Variants in ANO4 observed in about 807,000 individuals in gnomAD.
ANO4 encodes anoctamin-4.
Under a neutral mutation model 141.9 loss-of-function variants are expected in ANO4, and 69 were observed. That is an observed-to-expected ratio of 0.49 (90% CI 0.40 to 0.59). The LOEUF (loss-of-function observed/expected upper bound fraction) is 0.59. Ranked by LOEUF, ANO4 falls within the 20% of genes least tolerant of loss-of-function variation. The probability of loss-of-function intolerance (pLI) is 0.00; values close to 1 mark genes in which losing one functional copy is unlikely to be tolerated. For missense variants in ANO4, 894 were observed against 1,162.2 expected (o/e 0.77, Z 3.36); for synonymous variants, 350 against 394.3 (o/e 0.89, Z 1.33).
intron 1 of ANO4, among the ~76,000 whole-genome samples, chr12:100,870,327 T>C (rs2038970048): frequency 6.6e-6 from 1 of 152,358 alleles, no homozygotes; most frequent in Admixed American, 6.5e-5. Context: ...TTTAAAAGTC[T>C]GCAAAATAAT....
intron 13 of ANO4, among the ~76,000 whole-genome samples, chr12:101,043,959 C>A (rs1380741297): frequency 6.6e-6 from 1 of 152,188 alleles, no homozygotes; most frequent in African/African-American, 2.4e-5. Context: ...TATTTAACTT[C>A]TTTGAGTCTC....
At chr12:101,003,479 G>A (rs2045738091) in intron 8 of ANO4, among the ~76,000 whole-genome samples, 1 of 152,204 alleles carries the variant, frequency 6.6e-6, no homozygotes, top group Non-Finnish European at 1.5e-5. Flanking sequence ...TCTCCAGGCA[G>A]GGAGAATGTC....
intron 13 of ANO4, among the ~76,000 whole-genome samples, chr12:101,044,759 G>A (rs1449932637): frequency 6.6e-6 from 1 of 152,130 alleles, no homozygotes; most frequent in African/African-American, 2.4e-5. Context: ...AAAGATTTGA[G>A]CTCTTATGTT....
chr12:101,060,518 CT>C (rs933231902), intron 14 of ANO4, among the ~76,000 whole-genome samples: 1 of 152,124 alleles, frequency 6.6e-6, no homozygotes, highest in Non-Finnish European at 1.5e-5. Flanking sequence ...GAGTCTAAGT[CT>C]TTTTGTAGGT....
intron 3 of ANO4, among the ~76,000 whole-genome samples, chr12:100,785,647 C>T (rs2033850683): frequency 6.6e-6 from 1 of 152,134 alleles, no homozygotes; most frequent in South Asian, 2.1e-4. Context: ...CATTCCTCTA[C>T]AGAAGGACAT....
At chr12:100,757,495 C>T (rs1442841520) in intron 3 of ANO4, among the ~76,000 whole-genome samples, 2 of 152,182 alleles carry the variant, frequency 1.3e-5, no homozygotes, top group Non-Finnish European at 1.5e-5. Context: ...TCTTCTTTTT[C>T]TCTTGTAACT....
At chr12:100,893,366 C>T (rs564122997) in intron 1 of ANO4, among the ~76,000 whole-genome samples, 1 of 151,862 alleles carries the variant, frequency 6.6e-6, no homozygotes, top group South Asian at 2.1e-4. Flanking sequence ...AACCAACAAA[C>T]CCAAATCTCA....
intron 1 of ANO4, among the ~76,000 whole-genome samples, chr12:100,720,867 T>C (rs2030835199): frequency 6.6e-6 from 1 of 152,170 alleles, no homozygotes; most frequent in South Asian, 2.1e-4. Flanking sequence ...TTTTAAGACA[T>C]TGATCCAAAG....
chr12:100,967,808 A>C (rs1017981201), intron 5 of ANO4, among the ~76,000 whole-genome samples: 1 of 152,230 alleles, frequency 6.6e-6, no homozygotes, highest in Non-Finnish European at 1.5e-5. Context: ...ATTTGTATAA[A>C]CTGATAAAGC....
At chr12:100,908,503 T>C (rs2040948512) in intron 2 of ANO4, among the ~76,000 whole-genome samples, 1 of 152,190 alleles carries the variant, frequency 6.6e-6, no homozygotes, top group African/African-American at 2.4e-5. Flanking sequence ...GAAAAAAATA[T>C]ATTAAGTTAC....
chr12:100,798,474 A>G (rs952361387), intron 1 of ANO4, among the ~76,000 whole-genome samples: 1 of 152,214 alleles, frequency 6.6e-6, no homozygotes, highest in African/African-American at 2.4e-5. Flanking sequence ...GGCAGATTGT[A>G]TAAAATAGGA....
intron 16 of ANO4, among the ~76,000 whole-genome samples, chr12:101,085,474 G>A (rs1024325791): frequency 6.6e-6 from 1 of 152,078 alleles, no homozygotes; most frequent in African/African-American, 2.4e-5. Flanking sequence ...CATTTACATT[G>A]TATCAGGTAT....
At chr12:100,832,855 A>G (rs1408941367) in intron 1 of ANO4, among the ~76,000 whole-genome samples, 1 of 152,090 alleles carries the variant, frequency 6.6e-6, no homozygotes, top group South Asian at 2.1e-4. Flanking sequence ...CATGGTTTCA[A>G]TCATTAGTTT....
chr12:100,757,601 G>C (rs1388445754), intron 3 of ANO4, among the ~76,000 whole-genome samples: 2 of 152,194 alleles, frequency 1.3e-5, no homozygotes, highest in African/African-American at 4.8e-5. Flanking sequence ...CATTCAAGGA[G>C]AGTGAATTTC....
chr12:101,014,325 C>T (rs1356068269), intron 8 of ANO4, among the ~76,000 whole-genome samples: 1 of 152,168 alleles, frequency 6.6e-6, no homozygotes. Context: ...CTCATTTCTC[C>T]CTTCCTAGCA....
At chr12:100,799,735 G>A (rs958041872) in intron 1 of ANO4, among the ~76,000 whole-genome samples, 3 of 151,964 alleles carry the variant, frequency 2.0e-5, no homozygotes, top group East Asian at 3.8e-4. Context: ...GCAAGACTCC[G>A]TCTCAAAAAA....
intron 5 of ANO4, among the ~76,000 whole-genome samples, chr12:100,969,586 A>G (rs1323245565): frequency 6.6e-6 from 1 of 152,198 alleles, no homozygotes; most frequent in Non-Finnish European, 1.5e-5. Context: ...ATGAATTACA[A>G]CTTTACATCC....
chr12:100,744,592 AT>A lies in ANO4; in HGVS notation c.358+4491del, dbSNP rs890129617. Among the ~76,000 whole-genome samples, 18 of 152,276 alleles carry A rather than the reference AT, an allele frequency of 1.2e-4. 1 individual carries two copies. Among genetic ancestry groups the A allele is most frequent in the Admixed American group, 4.6e-4 (7 of 15,302 alleles). The stretch of plus-strand genomic sequence containing the variant: ...CTGGAATTAGGATTCCAACATATGA[AT>A]TTTGGAGAGACACAAACATTCAATT... On this transcript the variant is annotated intron_variant, in intron 3 of 29. Coordinates refer to the ANO4 transcript ENST00000644049.
At chr12:100,927,483 GT>G (rs1264915418) in intron 3 of ANO4, among the ~76,000 whole-genome samples, 1 of 151,940 alleles carries the variant, frequency 6.6e-6, no homozygotes, top group Admixed American at 6.6e-5. Flanking sequence ...AATCACCAAA[GT>G]TTTCAAATCC....
Sources: allele counts gnomAD v4.1 joint callset (sites outside exome capture counted in the v4.1 genomes callset), GRCh38; gene constraint gnomAD v4.1.1; transcripts MANE v1.5; gene names NCBI Gene and HGNC (gene_info 2026-07-23, HGNC 2026-07-21).